The following RS1 variants were observed in gnomAD, a reference collection of about 807,000 sequenced individuals.
RS1 encodes retinoschisin.
Under a neutral mutation model 20.8 loss-of-function variants are expected in RS1, and 2 were observed. The ratio of observed to expected loss-of-function variants is 0.10; its 90% CI spans 0.04 to 0.30. The LOEUF (loss-of-function observed/expected upper bound fraction) is 0.30, where lower values mean the gene tolerates loss of function less well. RS1 is among the 10% of genes least tolerant of loss of function. The pLI is 1.00. For missense variants in RS1, 151 were observed against 189.8 expected, an observed-to-expected ratio of 0.80 and a Z score of 1.20; for synonymous variants, 70 against 75.8, an observed-to-expected ratio of 0.92 and a Z score of 0.40.
At chrX:18,649,980 G>A (rs183794316) in intron 3 of RS1, 2 of 173,004 alleles carry the variant, frequency 1.2e-5, no homozygotes, top group South Asian at 1.1e-4. Flanking sequence ...ACCCCCACCC[G>A]CCGCCGCCGC....
chrX:18,663,063 G>A (rs1360845093), intron 1 of RS1, among the ~76,000 whole-genome samples: 5 of 92,123 alleles, frequency 5.4e-5, no homozygotes, highest in African/African-American at 1.6e-4. Flanking sequence ...TTTTTGAGAC[G>A]GAGTTTCACT....
At chrX:18,648,275 G>T (rs912108554) in intron 3 of RS1, among the ~76,000 whole-genome samples, 1 of 108,791 alleles carries the variant, frequency 9.2e-6, no homozygotes, top group Non-Finnish European at 1.9e-5. Flanking sequence ...ACAGGGTCTC[G>T]CCCTGTCCTA....
Position 18,648,755 on chromosome X carries a change from GGT to G in RS1, c.185-1425_185-1424del, listed in dbSNP as rs893445368. On this transcript the variant is annotated intron_variant, in intron 3 of 5. Coordinates refer to ENST00000379984, the MANE Select transcript of RS1 (RefSeq NM_000330.4). ...GTTGCCTAGATCACATCTGATAGTT[GGT>G]GTGACAGTAACCATCTTGCACCATG... 3.6e-5 allele frequency among the ~76,000 whole-genome samples: 4 copies of G among 111,590 alleles called. No individual in the cohort carries two copies. The Admixed American group carries it at 3.8e-4, about 11-fold the overall frequency.
chrX:18,670,171 G>A (rs769360974), intron 1 of RS1, among the ~76,000 whole-genome samples: 1 of 108,714 alleles, frequency 9.2e-6, no homozygotes, highest in South Asian at 4.1e-4. Context: ...ACAGAACAGG[G>A]TTGTTAGACT....
At chrX:18,669,487 C>CAAAAAAAA (rs386416704) in intron 1 of RS1, among the ~76,000 whole-genome samples, 3 of 58,898 alleles carry the variant, frequency 5.1e-5, no homozygotes, top group Non-Finnish European at 5.7e-5. Context: ...GTGAAATTCT[C>CAAAAAAAA]AAAAAAAAAA....
rs138521243 is a variant in RS1, at chrX:18,648,306, A to G, written c.185-974T>C. ...TCCTAGGCTGCAGTGCGGTGCTGCT[A>G]TGTCAGCCCACTGCAACCTCTGCCT... On this transcript the variant is annotated intron_variant, in intron 3 of 5. Coordinates refer to ENST00000379984, the MANE Select transcript of RS1 (RefSeq NM_000330.4). Among the ~76,000 whole-genome samples the G allele has an allele frequency of 8.7e-3, 944 of 108,864 alleles. 12 individuals carry two copies. The highest frequency in any genetic ancestry group is 0.03 in the African/African-American group (902 of 29,855). The allele number at this position is 108,864 out of a possible 115,157, so 94.5% of individuals were successfully genotyped here.
intron 1 of RS1, among the ~76,000 whole-genome samples, chrX:18,663,336 CTTTTTTTT>C (rs56314934): frequency 7.1e-5 from 2 of 28,292 alleles, no homozygotes; most frequent in Admixed American, 1.2e-3. Context: ...CTGTGCCTGG[CTTTTTTTT>C]TTTTTTTTTT....
chrX:18,651,375 G>A (rs1928042155), intron 3 of RS1, among the ~76,000 whole-genome samples: 1 of 109,934 alleles, frequency 9.1e-6, no homozygotes, highest in Non-Finnish European at 1.9e-5. Context: ...GGAAGATCTA[G>A]GCCTCACCAG....
chrX:18,648,442 A>G (rs1260278623), intron 3 of RS1, among the ~76,000 whole-genome samples: 2 of 109,822 alleles, frequency 1.8e-5, no homozygotes, highest in Admixed American at 9.6e-5. Context: ...GGATTTTGCC[A>G]TGTTCCCCAG....
intron 4 of RS1, chrX:18,646,126 T>C (rs2147192773): frequency 8.3e-7 from 1 of 1,208,761 alleles, no homozygotes; most frequent in South Asian, 1.8e-5. Flanking sequence ...CAAGCTGCCA[T>C]AACGACCCTA....
chrX:18,647,145 T>A (rs1266904532), intron 4 of RS1, 46 bp downstream of exon 4: 1 of 1,132,359 alleles, frequency 8.8e-7, no homozygotes, highest in East Asian at 3.1e-5. Context: ...GAGAGGCCTA[T>A]TTTTTTTTAA....
intron 1 of RS1, among the ~76,000 whole-genome samples, chrX:18,670,299 C>CACTGCA (rs1384791604): frequency 9.9e-6 from 1 of 101,519 alleles, no homozygotes; most frequent in Admixed American, 1.1e-4. Context: ...GATCTCAGCT[C>CACTGCA]ACTGCAACCT....
At chrX:18,643,124 G>A (rs1465507553) in intron 5 of RS1, among the ~76,000 whole-genome samples, 1 of 110,709 alleles carries the variant, frequency 9.0e-6, no homozygotes, top group Non-Finnish European at 1.9e-5. Context: ...GAGAAAGGGG[G>A]TTTGCTTAGT....
chrX:18,649,608 G>A (rs1423154708), intron 3 of RS1, among the ~76,000 whole-genome samples: 1 of 111,416 alleles, frequency 9.0e-6, no homozygotes, highest in Non-Finnish European at 1.9e-5. Context: ...TGAGGGTGAG[G>A]GCACAGAATT....
At chrX:18,655,961 ATTTCTTTTCT>A (rs1164105076) in intron 3 of RS1, among the ~76,000 whole-genome samples, 6 of 90,776 alleles carry the variant, frequency 6.6e-5, no homozygotes, top group South Asian at 5.3e-4. Flanking sequence ...CCTAGCATTA[ATTTCTTTTCT>A]TTTCTTTTCT....
rs1202915421 is a variant in RS1 at position 18,641,938 on chromosome X, G to A, written c.*66C>T. ...AGCCCTGTCCATCTCGGTGGTGTGT[G>A]AGGGGGTCCCCTACGGCCCGCTCTG... On this transcript the variant is annotated 3_prime_UTR_variant, in exon 6 of 6. Transcript: ENST00000379984. 8.8e-6 allele frequency: 10 copies of A among 1,141,867 alleles called. 1 individual carries two copies. The highest frequency in any genetic ancestry group is 1.2e-5 in the Non-Finnish European group (10 of 840,707). The allele number at this position is 1,141,867 out of a possible 1,213,427, so 94.1% of individuals were successfully genotyped here. A position where few individuals can be genotyped will look rare whatever the true frequency, so the allele number is the denominator to read the frequency against.
Position 18,641,916 on chromosome X carries a change from C to A in RS1, c.*88G>T. ...TTACAATTGCTTTGCGAAATATAGC[C>A]CTGTCCATCTCGGTGGTGTGTGAGG... is the stretch of plus-strand genomic sequence containing the variant. On this transcript the variant is annotated 3_prime_UTR_variant, in exon 6 of 6. Coordinates refer to ENST00000379984, the MANE Select transcript of RS1 (RefSeq NM_000330.4). 1 of 1,032,730 alleles carries A rather than the reference C, an allele frequency of 9.7e-7. No homozygotes were observed. Among genetic ancestry groups the A allele is most frequent in the Non-Finnish European group, 1.4e-6 (1 of 740,279 alleles). 85.1% of individuals were successfully genotyped at this position (1,032,730 alleles called of 1,213,427 possible).
At chrX:18,662,268 C>T (rs1384738675) in intron 1 of RS1, among the ~76,000 whole-genome samples, 1 of 112,535 alleles carries the variant, frequency 8.9e-6, no homozygotes, top group African/African-American at 3.2e-5. Flanking sequence ...CAATGTCAGA[C>T]TCTGTGCTGG....
intron 3 of RS1, chrX:18,650,393 C>G: frequency 3.3e-6 from 4 of 1,210,227 alleles, no homozygotes; most frequent in Non-Finnish European, 4.5e-6. Flanking sequence ...TTCCACTGCC[C>G]TCTGAATATT....
Sources: gnomAD v4.1 joint callset for allele counts (sites outside exome capture counted in the v4.1 genomes callset) on GRCh38, gnomAD v4.1.1 for gene constraint, MANE v1.5 for transcripts, NCBI Gene and HGNC (gene_info 2026-07-23, HGNC 2026-07-21) for gene names.